The following TSPAN2 variants were observed in gnomAD, a reference collection of about 807,000 sequenced individuals.
TSPAN2 encodes the protein tetraspanin 2.
Under a neutral mutation model 33.3 loss-of-function variants are expected in TSPAN2, and 24 were observed. The observed-to-expected ratio is 0.72, with a 90% CI of 0.52 to 1.01. The LOEUF is 1.01. Among genes scored for constraint, TSPAN2 ranks in the 50% least tolerant of loss-of-function variants. The probability of loss-of-function intolerance (pLI) is 0.00; values close to 1 mark genes in which losing one functional copy is unlikely to be tolerated. For missense variants in TSPAN2, 278 were observed against 281.3 expected, an observed-to-expected ratio of 0.99 and a Z score of 0.08; for synonymous variants, 114 against 104.5, an observed-to-expected ratio of 1.09 and a Z score of -0.56.
intron 1 of TSPAN2, among the ~76,000 whole-genome samples, chr1:115,079,719 A>G (rs1648553382): frequency 6.6e-6 from 1 of 152,198 alleles, no homozygotes; most frequent in Non-Finnish European, 1.5e-5. Context: ...GGACTGTGGC[A>G]GCCTGTGGCG....
intron 1 of TSPAN2, among the ~76,000 whole-genome samples, chr1:115,083,647 A>G (rs1648719082): frequency 6.6e-6 from 1 of 152,182 alleles, no homozygotes; most frequent in South Asian, 2.1e-4. Context: ...TAAGCTCCCT[A>G]TGTGATCTGT....
chr1:115,082,722 G>C (rs1372257743), intron 1 of TSPAN2, among the ~76,000 whole-genome samples: 1 of 152,076 alleles, frequency 6.6e-6, no homozygotes, highest in East Asian at 1.9e-4. Context: ...CCTGTTTCTG[G>C]AATGCATCAA....
intron 1 of TSPAN2, among the ~76,000 whole-genome samples, chr1:115,080,379 G>C (rs1361048364): frequency 1.3e-5 from 2 of 152,034 alleles, no homozygotes; most frequent in Admixed American, 1.3e-4. Flanking sequence ...GACCTCCCAG[G>C]CTCAATCCAT....
chr1:115,083,271 A>C (rs752011327), intron 1 of TSPAN2, among the ~76,000 whole-genome samples: 1 of 152,250 alleles, frequency 6.6e-6, no homozygotes, highest in Non-Finnish European at 1.5e-5. Flanking sequence ...TTTGTCACAC[A>C]TGGTTGGAGA....
At position 115,053,348 on chromosome 1, in the gene TSPAN2, G is replaced by A. The variant is rs533324526; in HGVS notation, c.600+31C>T. 3.0e-5 allele frequency: 47 copies of A among 1,589,612 alleles called. 3 individuals carry two copies. The Middle Eastern group carries it at 1.3e-3, about 45-fold the overall frequency. On this transcript the variant is annotated intron_variant, in intron 7 of 7. Transcript: ENST00000369516. ...GCAAAGTTTCAAGGCTTTTTAGAGG[G>A]CAAAAAGGGTAAGTTCTAGAACTTT...
Position 115,079,625 on chromosome 1 carries a change from A to C in TSPAN2, c.70-6618T>G, listed in dbSNP as rs114150668. Among the ~76,000 whole-genome samples the C allele has an allele frequency of 8.8e-3, 1,343 of 152,352 alleles. 23 individuals are homozygous for C. Among genetic ancestry groups the C allele is most frequent in the African/African-American group, 0.031 (1,302 of 41,582 alleles). On this transcript the variant is annotated intron_variant, in intron 1 of 7. Coordinates refer to ENST00000369516, the MANE Select transcript of TSPAN2 (RefSeq NM_005725.6). ...AGAAAAAATACAAGAATTGAATGCC[A>C]TATGACATCTATGTCAAATGGTCTC... is the stretch of plus-strand genomic sequence containing the variant.
Position 115,057,555 on chromosome 1 carries a change from C to A in TSPAN2, c.498G>T (p.Lys166Asn). 1 of 1,614,140 alleles carries A rather than the reference C, an allele frequency of 6.2e-7. No individual in the cohort carries two copies. The highest frequency in any genetic ancestry group is 1.7e-5 in the Admixed American group (1 of 60,030). ...AGCTTACCTTGTGTCCTAGAAGCTC[C>A]TTTGGGCATGTAGGTTGGACCTGTT... Reference protein sequence around the residue: ...SSEQVQPTCPKELLGHKNCID... With the variant: ...SSEQVQPTCPNELLGHKNCID... Residue 166 changes from lysine to asparagine, a missense_variant, in exon 6 of 8, where the codon AAG (lysine) becomes AAT (asparagine). Physicochemically the swap from Lys to Asn is moderately conservative, Grantham distance 94. Transcript: ENST00000369516.
chr1:115,055,328 A>ATTT (rs11448025), intron 6 of TSPAN2, among the ~76,000 whole-genome samples: 6 of 149,164 alleles, frequency 4.0e-5, no homozygotes, highest in Admixed American at 2.7e-4. Context: ...TGGAAAAGAG[A>ATTT]TTTTTTTTTT....
intron 2 of TSPAN2, among the ~76,000 whole-genome samples, chr1:115,066,688 T>C (rs988595234): frequency 6.6e-6 from 1 of 151,280 alleles, no homozygotes; most frequent in African/African-American, 2.4e-5. Context: ...CATTTTTTTA[T>C]TTGAAATTTT....
At chr1:115,083,439 A>G (rs899841136) in intron 1 of TSPAN2, among the ~76,000 whole-genome samples, 23 of 152,192 alleles carry the variant, frequency 1.5e-4, no homozygotes, top group Non-Finnish European at 2.2e-4. Context: ...AAGAACTGCC[A>G]AAAACAAGCC....
Position 115,089,370 on chromosome 1 carries a change from G to A in TSPAN2, c.63C>T (p.Leu21=). 10 of 1,590,444 alleles carry A rather than the reference G, an allele frequency of 6.3e-6. No homozygotes were observed. Among genetic ancestry groups the A allele is most frequent in the Non-Finnish European group, 6.8e-6 (8 of 1,169,778 alleles). ...TCCCGGCTCCTGGTCTCACCCAGAA[G>A]AGCAGGTTGAAGCCAAGCAGCAGGT... ...IKYLLLGFNL[L]FWLAGSAVIA... is the part of the protein sequence containing the mutation. Residue 21 remains leucine, a synonymous_variant, in exon 1 of 8, where the codon CTC becomes CTT. Transcript: ENST00000369516.
At chr1:115,083,894 G>A (rs1255155392) in intron 1 of TSPAN2, among the ~76,000 whole-genome samples, 2 of 152,148 alleles carry the variant, frequency 1.3e-5, no homozygotes, top group Non-Finnish European at 2.9e-5. Flanking sequence ...ACTAAACAGG[G>A]AATAAATTCT....
intron 6 of TSPAN2, among the ~76,000 whole-genome samples, chr1:115,054,781 G>T (rs537879608): frequency 6.6e-6 from 1 of 152,270 alleles, no homozygotes; most frequent in Admixed American, 6.5e-5. Context: ...AAGGTCAGGA[G>T]ATCGAGACCA....
intron 1 of TSPAN2, among the ~76,000 whole-genome samples, chr1:115,076,245 T>C (rs1480510094): frequency 6.6e-6 from 1 of 152,140 alleles, no homozygotes; most frequent in Admixed American, 6.5e-5. Context: ...GAGGTTCATT[T>C]CCTTACCTCG....
chr1:115,069,092 C>T (rs1363236991), intron 2 of TSPAN2, among the ~76,000 whole-genome samples: 1 of 152,288 alleles, frequency 6.6e-6, no homozygotes, highest in East Asian at 1.9e-4. Flanking sequence ...ATCGTGAGTG[C>T]CTTTACCACC....
In TSPAN2 at chr1:115,048,547, C is replaced by G. The variant is rs554605186; in HGVS notation, c.*1943G>C. ...TTCTTCCACTTTTAACTATTATAGT[C>G]TCCTTTAAAGTTGTTAATTCAGATA... On this transcript the variant is annotated 3_prime_UTR_variant, in exon 8 of 8. Transcript: ENST00000369516. The G allele has an allele frequency of 3.3e-5, 5 of 151,960 alleles. No individual in the cohort carries two copies. Among genetic ancestry groups the G allele is most frequent in the African/African-American group, 1.2e-4 (5 of 41,478 alleles). The allele number at this position is 151,960 out of a possible 1,614,324, so 9.4% of individuals were successfully genotyped here. A position where few individuals can be genotyped will look rare whatever the true frequency, so the allele number is the denominator to read the frequency against.
intron 1 of TSPAN2, among the ~76,000 whole-genome samples, chr1:115,082,442 T>C (rs913253784): frequency 1.3e-5 from 2 of 152,250 alleles, no homozygotes; most frequent in African/African-American, 4.8e-5. Context: ...GGATGATAAC[T>C]GCTACTATTT....
At chr1:115,052,645 CCACA>C (rs1162832324) in intron 7 of TSPAN2, among the ~76,000 whole-genome samples, 1 of 152,146 alleles carries the variant, frequency 6.6e-6, no homozygotes, top group African/African-American at 2.4e-5. Context: ...TCCATTCTTC[CCACA>C]CACTCTTCTT....
intron 1 of TSPAN2, among the ~76,000 whole-genome samples, chr1:115,089,011 G>A (rs1648950834): frequency 2.1e-5 from 1 of 46,982 alleles, no homozygotes. Flanking sequence ...CGGGAGACTG[G>A]AGGGGAACAG....
Sources: gnomAD v4.1 joint callset for allele counts (sites outside exome capture counted in the v4.1 genomes callset) on GRCh38, gnomAD v4.1.1 for gene constraint, MANE v1.5 for transcripts, NCBI Gene and HGNC (gene_info 2026-07-23, HGNC 2026-07-21) for gene names.